Variants in GK observed in about 807,000 individuals in gnomAD.
The protein encoded by GK is ATP:glycerol 3-phosphotransferase.
Under a neutral mutation model 56.4 loss-of-function variants are expected in GK, and 9 were observed. That is an observed-to-expected ratio of 0.16 (90% CI 0.10 to 0.28). The LOEUF (loss-of-function observed/expected upper bound fraction) is 0.28, where lower values mean the gene tolerates loss of function less well. GK is among the 10% of genes least tolerant of loss of function. The pLI is 1.00. For missense variants in GK, 161 were observed against 431.4 expected, an observed-to-expected ratio of 0.37 and a Z score of 5.55; for synonymous variants, 104 against 144.1, an observed-to-expected ratio of 0.72 and a Z score of 1.99.
intron 5 of GK, among the ~76,000 whole-genome samples, chrX:30,691,958 T>C (rs1472442142): frequency 9.0e-6 from 1 of 111,361 alleles, no homozygotes; most frequent in African/African-American, 3.3e-5. Flanking sequence ...AGTCCTTGTA[T>C]AGATCCCTCT....
rs1263560248 is a variant in GK, at chrX:30,707,592, C to T, written c.888C>T (p.Gly296=). 2 of 1,077,770 alleles carry T rather than the reference C, an allele frequency of 1.9e-6. No individual in the cohort carries two copies. Among genetic ancestry groups the T allele is most frequent in the African/African-American group, 3.7e-5 (2 of 54,607 alleles). The allele number at this position is 1,077,770 out of a possible 1,213,427, so 88.8% of individuals were successfully genotyped here. A position where few individuals can be genotyped will look rare whatever the true frequency, so the allele number is the denominator to read the frequency against. Reference sequence around the variant, plus strand: ...GATGTTTCTTACTATGTAATACAGGCCATAAGGTTGGTTTTTTAAATTAAA... The same window carrying T: ...GATGTTTCTTACTATGTAATACAGGTCATAAGGTTGGTTTTTTAAATTAAA... ...GTGCFLLCNT[G]HKCVFSDHGL... Residue 296 remains glycine (G), a synonymous_variant, in exon 12 of 21, where the codon GGC becomes GGT. Transcript: ENST00000427190.
intron 13 of GK, among the ~76,000 whole-genome samples, chrX:30,718,017 C>T (rs1428032410): frequency 9.0e-6 from 1 of 111,633 alleles, no homozygotes; most frequent in Non-Finnish European, 1.9e-5. Flanking sequence ...GCCAGTTTAT[C>T]CAACTCTGAA....
At chrX:30,703,903 G>A (rs776996848) in intron 11 of GK, among the ~76,000 whole-genome samples, 1 of 106,246 alleles carries the variant, frequency 9.4e-6, no homozygotes, top group African/African-American at 3.5e-5. Flanking sequence ...GGAGGCTGCA[G>A]TGAGCCGAGA....
In GK at chrX:30,694,500, G is replaced by A. The variant is rs1321993304; in HGVS notation, c.515G>A (p.Arg172Gln). 8.3e-7 allele frequency: 1 copy of A among 1,207,290 alleles called. No homozygotes were observed. The change falls in exon 6 of 21, where the codon CGA becomes CAA. Residue 172 changes from arginine to glutamine, a missense_variant. Arg to Gln is a conservative substitution (Grantham distance 43). Transcript: ENST00000427190. ...RKVQKAVEEK[R>Q]ALFGTIDSWL... ...GTTCAAAAGGCCGTTGAAGAAAAAC[G>A]AGCTCTTTTTGGGACTATTGATTCA...
At chrX:30,663,992 ATT>A (rs376041855) in intron 1 of GK, among the ~76,000 whole-genome samples, 1 of 76,249 alleles carries the variant, frequency 1.3e-5, no homozygotes, top group Non-Finnish European at 2.7e-5. Flanking sequence ...ATCTATATAT[ATT>A]TTATAGATAT....
At chrX:30,676,791 A>G (rs997795455) in intron 3 of GK, among the ~76,000 whole-genome samples, 1 of 111,899 alleles carries the variant, frequency 8.9e-6, no homozygotes, top group Admixed American at 9.6e-5. Context: ...GCCATTATAT[A>G]TTATATTTAT....
At chrX:30,709,274 T>C (rs1484735758) in intron 13 of GK, among the ~76,000 whole-genome samples, 1 of 111,821 alleles carries the variant, frequency 8.9e-6, no homozygotes, top group East Asian at 2.8e-4. Context: ...GCCTTAGACC[T>C]GGGACAGGCC....
chrX:30,700,702 C>G, intron 10 of GK, 136 bp from the exon 11 acceptor site: 1 of 538,417 alleles, frequency 1.9e-6, no homozygotes, highest in Admixed American at 3.0e-5. Context: ...GGGAAAATGG[C>G]CAAATGGAGA....
chrX:30,665,759 T>C (rs1933035041), intron 2 of GK, among the ~76,000 whole-genome samples, 175 bp downstream of exon 2: 1 of 112,070 alleles, frequency 8.9e-6, no homozygotes, highest in African/African-American at 3.2e-5. Flanking sequence ...ATGTGAGGAA[T>C]TGATGGCTTA....
At chrX:30,664,163 TATATAG>T (rs1431307904) in intron 1 of GK, among the ~76,000 whole-genome samples, 68 of 92,840 alleles carry the variant, frequency 7.3e-4, no homozygotes, top group Non-Finnish European at 1.3e-3. Context: ...TTTATATAGA[TATATAG>T]ATATATATAT....
At position 30,705,345 on chromosome X, in the gene GK, A is replaced by G. The variant is rs138842086; in HGVS notation, c.852-2211A>G. Among the ~76,000 whole-genome samples the G allele has an allele frequency of 3.9e-3, 435 of 112,596 alleles. 1 individual carries two copies. Among genetic ancestry groups the G allele is most frequent in the African/African-American group, 0.013 (414 of 31,037 alleles). On this transcript the variant is annotated intron_variant, in intron 11 of 20. Coordinates refer to ENST00000427190, the MANE Select transcript of GK (RefSeq NM_001205019.2). ...TCTTTCAGCTTAGCTGTATTTTCCA[A>G]TTTTTCTAGAATGTAAAAATTATTT...
intron 11 of GK, among the ~76,000 whole-genome samples, chrX:30,701,450 A>G (rs1312870122): frequency 8.9e-6 from 1 of 112,207 alleles, no homozygotes; most frequent in Non-Finnish European, 1.9e-5. Context: ...TGTAAAATTC[A>G]TTACCTTTTA....
chrX:30,666,743 T>C (rs1418592340), intron 2 of GK, among the ~76,000 whole-genome samples: 2 of 112,481 alleles, frequency 1.8e-5, no homozygotes, highest in Non-Finnish European at 3.7e-5. Flanking sequence ...ATTGATATGT[T>C]AGAGGCATTA....
At chrX:30,720,192 G>C in intron 16 of GK, 97 bp downstream of exon 16, 1 of 573,568 alleles carries the variant, frequency 1.7e-6, no homozygotes, top group African/African-American at 2.2e-5. Context: ...TGAAAATGTA[G>C]TTAATCAAAT....
At chrX:30,680,578 C>T (rs1320509736) in intron 4 of GK, among the ~76,000 whole-genome samples, 1 of 111,694 alleles carries the variant, frequency 9.0e-6, no homozygotes, top group Admixed American at 9.6e-5. Context: ...CACCAGTATG[C>T]GGAGAACAAC....
chrX:30,700,797 T>C (rs1174579206), intron 10 of GK, 41 bp from the exon 11 acceptor site: 2 of 841,844 alleles, frequency 2.4e-6, no homozygotes, highest in African/African-American at 4.0e-5. Flanking sequence ...GTTAATACTA[T>C]TGTATTAGTC....
intron 11 of GK, among the ~76,000 whole-genome samples, chrX:30,707,045 A>G (rs1299647804): frequency 1.8e-5 from 2 of 112,157 alleles, no homozygotes; most frequent in Non-Finnish European, 3.8e-5. Flanking sequence ...TAAGATTGCA[A>G]TGGCCAGGCA....
chrX:30,699,669 T>C (rs1246733830), intron 9 of GK, among the ~76,000 whole-genome samples: 2 of 110,621 alleles, frequency 1.8e-5, no homozygotes, highest in Admixed American at 1.9e-4. Context: ...CGGCTGGGGA[T>C]CCTATTTCTT....
rs370464342 is a variant in GK at position 30,720,970 on chromosome X, G to A, written c.1476G>A (p.Arg492=). Residue 492 remains arginine (R), a synonymous_variant, in exon 18 of 21, where the codon CGG becomes CGA. Transcript: ENST00000427190. ...PEDLSAVTME[R]FEPQINAEES... The stretch of plus-strand genomic sequence containing the variant: ...ATTTGTCTGCCGTCACGATGGAGCG[G>A]TTTGAACCTCAGATTAATGCGGAGG... The A allele has an allele frequency of 8.3e-7, 1 of 1,210,811 alleles. No individual in the cohort carries two copies. Among genetic ancestry groups the A allele is most frequent in the South Asian group, 1.8e-5 (1 of 56,947 alleles).
Sources: allele counts gnomAD v4.1 joint callset (sites outside exome capture counted in the v4.1 genomes callset), GRCh38; gene constraint gnomAD v4.1.1; transcripts MANE v1.5; gene names NCBI Gene and HGNC (gene_info 2026-07-23, HGNC 2026-07-21).